Variants in BMP8B observed in about 807,000 individuals in gnomAD.
The protein encoded by BMP8B is bone morphogenetic protein 8b, also known as bone morphogenetic protein 8 (osteogenic protein 2).
Under a neutral mutation model 30.3 loss-of-function variants are expected in BMP8B, and 17 were observed. The observed-to-expected ratio is 0.56, with a 90% CI of 0.38 to 0.84. BMP8B has a LOEUF of 0.84. BMP8B is among the 40% of genes least tolerant of loss of function. The pLI is 0.00. For missense variants in BMP8B, 253 were observed against 494.6 expected (o/e 0.51, Z 4.63); for synonymous variants, 131 against 214.7 (o/e 0.61, Z 3.41).
chr1:39,762,470 T>C, intron 6 of BMP8B: 1 of 1,522,448 alleles, frequency 6.6e-7, no homozygotes, highest in Non-Finnish European at 8.8e-7. Flanking sequence ...CACTCAACAG[T>C]GAGCAGCACC....
At chr1:39,781,813 C>T (rs182727452) in intron 1 of BMP8B, among the ~76,000 whole-genome samples, 3 of 152,038 alleles carry the variant, frequency 2.0e-5, no homozygotes, top group African/African-American at 7.2e-5. Context: ...GGTGGGTGTC[C>T]CCAGGGATGG....
intron 4 of BMP8B, among the ~76,000 whole-genome samples, chr1:39,764,232 C>T (rs1649423701): frequency 6.6e-6 from 1 of 152,244 alleles, no homozygotes. Context: ...AGGCCTGTCC[C>T]TGATCCTGAA....
intron 1 of BMP8B, among the ~76,000 whole-genome samples, chr1:39,783,710 C>A (rs55644606): frequency 0.13 from 19,881 of 152,088 alleles, 1,379 homozygotes; most frequent in East Asian, 0.24. Context: ...GAGTTTGAGA[C>A]CAGCCTGGGC....
chr1:39,758,540 T>C lies in BMP8B; in HGVS notation c.*1879A>G. On this transcript the variant is annotated 3_prime_UTR_variant, in exon 7 of 7. Transcript: ENST00000372827. ...CCATGCCTGGCCAGGTTCCATGTTA[T>C]GTGCCAACTCTGCTTCGTGACAGCC... 2 of 152,326 alleles carry C rather than the reference T, an allele frequency of 1.3e-5. 1 individual carries two copies. The highest frequency in any genetic ancestry group is 2.9e-5 in the Non-Finnish European group (2 of 68,116). 9.4% of individuals were successfully genotyped at this position (152,326 alleles called of 1,614,324 possible).
chr1:39,788,518 G>C lies in BMP8B; in HGVS notation c.-33C>G, dbSNP rs1651171243. On this transcript the variant is annotated 5_prime_UTR_variant, in exon 1 of 7. Coordinates refer to ENST00000372827, the MANE Select transcript of BMP8B (RefSeq NM_001720.5). The surrounding 1 kb of genome is among the most constrained non-coding windows in gnomAD (Gnocchi z 5.8). ...CGGGGGCGCTCAGCTGGGGCGCTCA[G>C]CGGGCGCGCATCGGCTCCGCGGCCG... 1 of 1,004,450 alleles carries C rather than the reference G, an allele frequency of 1.0e-6. No homozygotes were observed. The highest frequency in any genetic ancestry group is 1.2e-6 in the Non-Finnish European group (1 of 844,060). 62.2% of individuals were successfully genotyped at this position (1,004,450 alleles called of 1,614,324 possible).
chr1:39,787,638 C>T (rs1415992731), intron 1 of BMP8B, among the ~76,000 whole-genome samples: 1 of 152,094 alleles, frequency 6.6e-6, no homozygotes, highest in Non-Finnish European at 1.5e-5. Flanking sequence ...GCTCCTTCCC[C>T]AGCCGCCCCC....
chr1:39,787,340 G>A (rs972507210), intron 1 of BMP8B, among the ~76,000 whole-genome samples: 1 of 152,204 alleles, frequency 6.6e-6, no homozygotes, highest in African/African-American at 2.4e-5. Flanking sequence ...CCACAGACAG[G>A]AGGCAAAGCA....
intron 1 of BMP8B, among the ~76,000 whole-genome samples, chr1:39,783,444 C>G (rs1005759899): frequency 6.6e-6 from 1 of 152,140 alleles, no homozygotes; most frequent in Non-Finnish European, 1.5e-5. Context: ...GGTGGCCAGA[C>G]AGAACTTTGG....
At chr1:39,776,448 G>T (rs978474439) in intron 1 of BMP8B, among the ~76,000 whole-genome samples, 5 of 152,310 alleles carry the variant, frequency 3.3e-5, no homozygotes, top group African/African-American at 1.2e-4. Context: ...ATTCTCTGTG[G>T]TTACTGGGCT....
chr1:39,785,791 T>C (rs1650939178), intron 1 of BMP8B, among the ~76,000 whole-genome samples: 1 of 152,118 alleles, frequency 6.6e-6, no homozygotes, highest in Non-Finnish European at 1.5e-5. Flanking sequence ...AGCATCCTGG[T>C]ATGTGTCTAA....
intron 3 of BMP8B, chr1:39,771,136 G>C (rs1432108316): frequency 1.3e-6 from 2 of 1,556,302 alleles, no homozygotes; most frequent in Non-Finnish European, 1.8e-6. Context: ...CGTAGAACTT[G>C]GCACGGAGCC....
chr1:39,788,222 G>T lies in BMP8B; in HGVS notation c.264C>A (p.Asp88Glu), dbSNP rs751513334. Reference protein sequence around the residue: ...LDLYHAMAGDDDEDGAPAERR... With the variant: ...LDLYHAMAGDEDEDGAPAERR... ...GCTCCGCGGGCGCGCCGTCCTCGTC[G>T]TCGTCGCCGGCCATGGCGTGGTACA... The change falls in exon 1 of 7, where the codon GAC (aspartate) becomes GAA (glutamate). Residue 88 changes from aspartate to glutamate, a missense_variant. By Grantham distance (45) the Asp-to-Glu change is conservative. Around this residue, in one of 7 missense-constraint regions of BMP8B, gnomAD observed 52 missense variants for 68.3 expected, o/e 0.76. Coordinates refer to ENST00000372827, the MANE Select transcript of BMP8B (RefSeq NM_001720.5). The surrounding 1 kb of genome is among the most constrained non-coding windows in gnomAD (Gnocchi z 5.8). 2 of 1,571,454 alleles carry T rather than the reference G, an allele frequency of 1.3e-6. No homozygotes were observed. The highest frequency in any genetic ancestry group is 2.4e-5 in the East Asian group (1 of 41,270).
chr1:39,780,820 T>C lies in BMP8B; in HGVS notation c.335-5782A>G, dbSNP rs543809214. Among the ~76,000 whole-genome samples, 10 of 152,222 alleles carry C rather than the reference T, an allele frequency of 6.6e-5. No individual in the cohort carries two copies. The South Asian group carries it at 1.9e-3, about 28-fold the overall frequency. ...CTGAGGTGGGAGGATCACTTGAGTC[T>C]GGGAGGTTGAGGCTGCAGCAAGCTG... On this transcript the variant is annotated intron_variant, in intron 1 of 6. Transcript: ENST00000372827.
At chr1:39,775,907 G>A (rs1403454562) in intron 1 of BMP8B, among the ~76,000 whole-genome samples, 3 of 152,124 alleles carry the variant, frequency 2.0e-5, no homozygotes, top group Non-Finnish European at 2.9e-5. Flanking sequence ...GGTGGGATGG[G>A]TCTTGGTAGG....
At chr1:39,761,639 C>G (rs2124417823) in intron 6 of BMP8B, among the ~76,000 whole-genome samples, 1 of 152,308 alleles carries the variant, frequency 6.6e-6, no homozygotes, top group African/African-American at 2.4e-5. Context: ...CTGCACCCAG[C>G]CCCTTCTCCC....
intron 1 of BMP8B, among the ~76,000 whole-genome samples, chr1:39,782,698 C>A (rs1650730679): frequency 6.6e-6 from 1 of 152,056 alleles, no homozygotes; most frequent in Non-Finnish European, 1.5e-5. Context: ...TAACTCCTGA[C>A]CTCAGGTGAT....
In BMP8B at chr1:39,760,419, T is replaced by C; in HGVS notation, c.1209A>G (p.Ter403TrpextTer64). Residue 403 changes from the stop codon to tryptophan (W), a stop_lost, in exon 7 of 7, where the codon TGA becomes TGG. Coordinates refer to ENST00000372827, the MANE Select transcript of BMP8B (RefSeq NM_001720.5). ...NMVVKACGCH[*>W] The stretch of plus-strand genomic sequence containing the variant: ...CTGCAGCTGGGCCGGGCGGGTGGAC[T>C]CAGTGGCAGCCGCAGGCCTTGACCA... The C allele has an allele frequency of 6.2e-7, 1 of 1,613,722 alleles. No homozygotes were observed. Among genetic ancestry groups the C allele is most frequent in the Non-Finnish European group, 8.5e-7 (1 of 1,179,992 alleles).
At position 39,788,603 on chromosome 1, in the gene BMP8B, C is replaced by T. The variant is rs1651178571; in HGVS notation, c.-118G>A. ...GCTGGGCTCGGCGGGCGGCGGGCGG[C>T]GGGGCGGGGCGGGACGGGCGGCGAC... On this transcript the variant is annotated 5_prime_UTR_variant, in exon 1 of 7. Coordinates refer to ENST00000372827, the MANE Select transcript of BMP8B (RefSeq NM_001720.5). This position sits in a 1 kb window ranked among gnomAD's most constrained non-coding sequence, Gnocchi z 5.8. The T allele has an allele frequency of 1.9e-5, 14 of 735,982 alleles. No homozygotes were observed. In the South Asian group the frequency reaches 7.3e-4, roughly 38 times the overall value. 45.6% of individuals were successfully genotyped at this position (735,982 alleles called of 1,614,324 possible). A position where few individuals can be genotyped will look rare whatever the true frequency, so the allele number is the denominator to read the frequency against.
chr1:39,781,875 G>C (rs982840178), intron 1 of BMP8B, among the ~76,000 whole-genome samples: 11 of 152,180 alleles, frequency 7.2e-5, no homozygotes, highest in African/African-American at 2.7e-4. Flanking sequence ...CCTAGAGAAG[G>C]GTAGGGCGTG....
Sources: allele counts gnomAD v4.1 joint callset (sites outside exome capture counted in the v4.1 genomes callset), GRCh38; gene constraint gnomAD v4.1.1; regional missense constraint gnomAD v4.1.1; non-coding constraint Gnocchi (gnomAD v3.1); transcripts MANE v1.5; gene names NCBI Gene and HGNC (gene_info 2026-07-23, HGNC 2026-07-21).